The following LRRTM4 variants were observed in gnomAD, a reference collection of about 807,000 sequenced individuals.
LRRTM4 encodes leucine rich repeat transmembrane neuronal 4, also known as leucine-rich repeat transmembrane neuronal protein 4.
Under a neutral mutation model 47.6 loss-of-function variants are expected in LRRTM4, and 25 were observed. The observed-to-expected ratio is 0.53, with a 90% CI of 0.38 to 0.73. LRRTM4 has a LOEUF of 0.73. Ranked by LOEUF, LRRTM4 falls within the 30% of genes least tolerant of loss-of-function variation. The probability of loss-of-function intolerance (pLI) is 0.00; values close to 1 mark genes in which losing one functional copy is unlikely to be tolerated. For synonymous variants in LRRTM4, 311 were observed against 269.5 expected (o/e 1.15, Z -1.51); for missense variants, 638 against 713.4 (o/e 0.89, Z 1.20).
At chr2:77,400,485 G>T (rs1673907874) in intron 3 of LRRTM4, among the ~76,000 whole-genome samples, 1 of 151,770 alleles carries the variant, frequency 6.6e-6, no homozygotes, top group Admixed American at 6.6e-5. Flanking sequence ...AATACCCAAA[G>T]TATTTACCTG....
intron 3 of LRRTM4, among the ~76,000 whole-genome samples, chr2:76,803,926 A>G (rs538705829): frequency 1.3e-5 from 2 of 152,208 alleles, no homozygotes; most frequent in Admixed American, 6.5e-5. Flanking sequence ...CTAGCACGCA[A>G]CAAAAACTTG....
At chr2:77,129,446 T>C (rs984023739) in intron 3 of LRRTM4, among the ~76,000 whole-genome samples, 2 of 152,220 alleles carry the variant, frequency 1.3e-5, no homozygotes, top group African/African-American at 4.8e-5. Flanking sequence ...TGTCTTGCTG[T>C]ATGATCTTTA....
chr2:77,184,154 A>T, intron 3 of LRRTM4, among the ~76,000 whole-genome samples: 1 of 152,178 alleles, frequency 6.6e-6, no homozygotes, highest in Admixed American at 6.6e-5. Flanking sequence ...TCAGAAAAAT[A>T]AAGTATAACT....
intron 3 of LRRTM4, among the ~76,000 whole-genome samples, chr2:77,045,356 C>T (rs946032513): frequency 6.6e-6 from 1 of 151,830 alleles, no homozygotes; most frequent in Non-Finnish European, 1.5e-5. Context: ...TTTTATTTAT[C>T]AGCTGAAGTA....
intron 3 of LRRTM4, among the ~76,000 whole-genome samples, chr2:77,188,375 T>C (rs1673570917): frequency 6.6e-6 from 1 of 152,172 alleles, no homozygotes; most frequent in South Asian, 2.1e-4. Context: ...CTCATTTCAT[T>C]TGACTTTGTT....
intron 3 of LRRTM4, among the ~76,000 whole-genome samples, chr2:77,299,481 T>C (rs1179556503): frequency 6.6e-6 from 1 of 152,080 alleles, no homozygotes; most frequent in Non-Finnish European, 1.5e-5. Context: ...AAAGGATAAT[T>C]AATTCAACAT....
chr2:76,910,301 A>T (rs1199851058), intron 3 of LRRTM4, among the ~76,000 whole-genome samples: 1 of 140,070 alleles, frequency 7.1e-6, no homozygotes, highest in African/African-American at 2.6e-5. Flanking sequence ...AACAATGAGA[A>T]CACATGGACA....
chr2:76,903,057 T>C (rs1179608068), intron 3 of LRRTM4, among the ~76,000 whole-genome samples: 2 of 152,160 alleles, frequency 1.3e-5, no homozygotes, highest in Non-Finnish European at 2.9e-5. Context: ...TTCACTTATC[T>C]TTCAACCAGA....
intron 3 of LRRTM4, among the ~76,000 whole-genome samples, chr2:77,125,372 G>C (rs771502642): frequency 6.6e-6 from 1 of 152,192 alleles, no homozygotes; most frequent in African/African-American, 2.4e-5. Flanking sequence ...AGGTGCACAT[G>C]AGTACAGTCC....
chr2:77,298,446 C>G (rs1237892155), intron 3 of LRRTM4, among the ~76,000 whole-genome samples: 1 of 152,110 alleles, frequency 6.6e-6, no homozygotes, highest in Non-Finnish European at 1.5e-5. Context: ...ACCGTGTTAG[C>G]CAGGATGGTC....
At chr2:77,407,401 CTG>C (rs1410123506) in intron 3 of LRRTM4, among the ~76,000 whole-genome samples, 1 of 151,380 alleles carries the variant, frequency 6.6e-6, no homozygotes, top group East Asian at 1.9e-4. Flanking sequence ...GACAAATACT[CTG>C]GGGAGTAAAG....
chr2:77,339,399 T>C (rs57619490), intron 3 of LRRTM4, among the ~76,000 whole-genome samples: 223 of 152,164 alleles, frequency 1.5e-3, no homozygotes, highest in African/African-American at 5.1e-3. Context: ...TTAGGACGAC[T>C]TTTTTTCTTT....
At chr2:77,086,619 G>A (rs976847417) in intron 3 of LRRTM4, among the ~76,000 whole-genome samples, 3 of 151,794 alleles carry the variant, frequency 2.0e-5, no homozygotes, top group Middle Eastern at 3.4e-3. Flanking sequence ...TAGGATTACA[G>A]GCAGCCCAGC....
chr2:77,302,504 G>C (rs1677157575), intron 3 of LRRTM4, among the ~76,000 whole-genome samples: 1 of 152,108 alleles, frequency 6.6e-6, no homozygotes, highest in Non-Finnish European at 1.5e-5. Flanking sequence ...ATATCACAGG[G>C]TTGCAAGTAA....
chr2:77,293,378 C>T (rs191139227), intron 3 of LRRTM4, among the ~76,000 whole-genome samples: 1 of 152,166 alleles, frequency 6.6e-6, no homozygotes, highest in African/African-American at 2.4e-5. Context: ...CAGGGCTCAA[C>T]CCATTAAGAG....
intron 3 of LRRTM4, among the ~76,000 whole-genome samples, chr2:77,428,097 C>T (rs1000609726): frequency 9.2e-5 from 14 of 152,194 alleles, no homozygotes; most frequent in African/African-American, 3.4e-4. Context: ...TTGCTTGACA[C>T]TTCTCCTTCC....
At chr2:77,157,586 T>C (rs904324571) in intron 3 of LRRTM4, among the ~76,000 whole-genome samples, 2 of 152,154 alleles carry the variant, frequency 1.3e-5, no homozygotes, top group Non-Finnish European at 2.9e-5. Context: ...GATACTGATA[T>C]TTAACTTGAT....
chr2:76,909,499 C>G (rs1558731833), intron 3 of LRRTM4, among the ~76,000 whole-genome samples: 2 of 151,876 alleles, frequency 1.3e-5, no homozygotes, highest in Admixed American at 6.6e-5. Flanking sequence ...CAAATGGGAT[C>G]TCATTAAACT....
chr2:77,150,192 T>G (rs140246536), intron 3 of LRRTM4, among the ~76,000 whole-genome samples: 11 of 152,262 alleles, frequency 7.2e-5, no homozygotes, highest in African/African-American at 2.4e-4. Context: ...AAGCTAAAAA[T>G]AGGATACTAA....
Sources: allele counts gnomAD v4.1 joint callset (sites outside exome capture counted in the v4.1 genomes callset), GRCh38; gene constraint gnomAD v4.1.1; transcripts MANE v1.5; gene names NCBI Gene and HGNC (gene_info 2026-07-23, HGNC 2026-07-21).